GPD2: variants seen among roughly 807,000 people sequenced by gnomAD.
The protein encoded by GPD2 is glycerol-3-phosphate dehydrogenase 2.
GPD2 carries 54 observed loss-of-function variants against 82.4 expected under a neutral mutation model. The observed-to-expected ratio is 0.66, with a 90% CI of 0.53 to 0.82. The LOEUF (loss-of-function observed/expected upper bound fraction) is 0.82. Among genes scored for constraint, GPD2 ranks in the 40% least tolerant of loss-of-function variants. The pLI, the probability that GPD2 is intolerant of heterozygous loss-of-function variation, is 0.00. For synonymous variants in GPD2, 288 were observed against 306.1 expected (o/e 0.94, Z 0.62); for missense variants, 748 against 896.2 (o/e 0.83, Z 2.11).
intron 6 of GPD2, among the ~76,000 whole-genome samples, chr2:156,526,611 T>C (rs1012389597): frequency 6.6e-6 from 1 of 152,164 alleles, no homozygotes; most frequent in African/African-American, 2.4e-5. Context: ...TAGTTTAAGA[T>C]ATAAAAATTT....
intron 10 of GPD2, 103 bp downstream of exon 10, chr2:156,569,062 A>T: frequency 1.1e-6 from 1 of 949,036 alleles, no homozygotes. Context: ...CTCCTGGACT[A>T]AGGTGATTCT....
In GPD2 at chr2:156,568,834, G is replaced by T. The variant is rs1233309853; in HGVS notation, c.1175G>T (p.Gly392Val). Residue 392 changes from glycine (G) to valine (V), a missense_variant, in exon 10 of 17, where the codon GGG (glycine) becomes GTG (valine). Gly to Val is a moderately radical substitution (Grantham distance 109, BLOSUM62 -3). Transcript: ENST00000438166. Reference protein sequence around the residue: ...YLSCDVEVRRGDVLAAWSGIR... With the variant: ...YLSCDVEVRRVDVLAAWSGIR... The stretch of plus-strand genomic sequence containing the variant: ...CATTGATTCCTACCAGTGAGAAGAG[G>T]GGATGTCCTGGCAGCATGGAGTGGA... The T allele has an allele frequency of 1.2e-6, 2 of 1,612,596 alleles. No homozygotes were observed. The highest frequency in any genetic ancestry group is 2.2e-5 in the South Asian group (2 of 91,038).
chr2:156,464,857 C>CT lies in GPD2; in HGVS notation c.-8-11230dup, dbSNP rs559153888. On this transcript the variant is annotated intron_variant, in intron 1 of 16. Coordinates refer to ENST00000438166, the MANE Select transcript of GPD2 (RefSeq NM_000408.5). ...TGAAAGAATTGGTACATTTTCTTTT[C>CT]TTTTTTTTTTTGAGATGGAGTCTTG... 1.7e-3 allele frequency among the ~76,000 whole-genome samples: 253 copies of CT among 146,574 alleles called. 1 individual carries two copies. Among genetic ancestry groups the CT allele is most frequent in the South Asian group, 1.3e-3 (6 of 4,646 alleles).
intron 3 of GPD2, among the ~76,000 whole-genome samples, chr2:156,500,521 T>C (rs1684551780): frequency 6.6e-6 from 1 of 152,202 alleles, no homozygotes; most frequent in Non-Finnish European, 1.5e-5. Flanking sequence ...TTTACCAAAT[T>C]ATTCCTGATT....
intron 1 of GPD2, among the ~76,000 whole-genome samples, chr2:156,453,893 A>G (rs1682701477): frequency 6.6e-6 from 1 of 152,140 alleles, no homozygotes. Flanking sequence ...AAAAAACAAA[A>G]CAAAAAAGAA....
chr2:156,421,965 C>T, the GPD2 span, among the ~76,000 whole-genome samples: 2 of 152,142 alleles, frequency 1.3e-5, no homozygotes, highest in African/African-American at 4.8e-5. Flanking sequence ...ATCTCTACAA[C>T]AGCAATAAAA....
chr2:156,484,762 C>A (rs1373741582), intron 2 of GPD2, among the ~76,000 whole-genome samples: 3 of 152,134 alleles, frequency 2.0e-5, no homozygotes, highest in African/African-American at 7.2e-5. Flanking sequence ...ATTGCTTGAA[C>A]CTGGGAGGTG....
intron 3 of GPD2, among the ~76,000 whole-genome samples, chr2:156,501,155 G>T (rs1020950816): frequency 1.1e-4 from 17 of 151,728 alleles, no homozygotes; most frequent in African/African-American, 3.9e-4. Context: ...TGCATTCTTG[G>T]TGGGCCTGTA....
At chr2:156,506,865 A>G (rs546729167) in intron 3 of GPD2, among the ~76,000 whole-genome samples, 4 of 152,220 alleles carry the variant, frequency 2.6e-5, no homozygotes, top group African/African-American at 9.6e-5. Flanking sequence ...TCTCAAAACA[A>G]TATCTGAGGA....
intron 6 of GPD2, among the ~76,000 whole-genome samples, chr2:156,533,777 G>A (rs561301829): frequency 6.6e-5 from 10 of 152,370 alleles, no homozygotes; most frequent in African/African-American, 2.4e-4. Flanking sequence ...CGCAGGATGT[G>A]CAATGGGTGT....
chr2:156,426,140 G>A, the GPD2 span, among the ~76,000 whole-genome samples: 2 of 152,026 alleles, frequency 1.3e-5, no homozygotes, highest in African/African-American at 2.4e-5. Context: ...AGCCGGGATA[G>A]TCTCGATCTC....
chr2:156,469,965 C>G (rs1276995550), intron 1 of GPD2, among the ~76,000 whole-genome samples: 1 of 152,016 alleles, frequency 6.6e-6, no homozygotes, highest in Non-Finnish European at 1.5e-5. Flanking sequence ...AAGGGTGAGT[C>G]CATAAAGTGA....
intron 1 of GPD2, among the ~76,000 whole-genome samples, chr2:156,467,873 G>C (rs1486530642): frequency 1.3e-5 from 2 of 152,122 alleles, no homozygotes; most frequent in African/African-American, 4.8e-5. Flanking sequence ...AGGGCTCTCT[G>C]TGTGTTTCTG....
In GPD2 at chr2:156,585,741, G is replaced by A. The variant is rs1053394; in HGVS notation, c.*2823G>A. 0.27 allele frequency: 40,517 copies of A among 152,130 alleles called. 5,514 individuals are homozygous for A. The highest frequency in any genetic ancestry group is 0.32 in the South Asian group (1,552 of 4,802). 9.4% of individuals were successfully genotyped at this position (152,130 alleles called of 1,614,324 possible). A position where few individuals can be genotyped will look rare whatever the true frequency, so the allele number is the denominator to read the frequency against. ...ATCATTGATGTTATTTTTCTCTTAT[G>A]TATCTGTAAAGATTTTTGGCATATG... On this transcript the variant is annotated 3_prime_UTR_variant, in exon 17 of 17. Transcript: ENST00000438166.
the GPD2 span, among the ~76,000 whole-genome samples, chr2:156,422,713 C>CA: frequency 6.7e-6 from 1 of 149,408 alleles, no homozygotes; most frequent in African/African-American, 2.5e-5. Context: ...GCCTGTGCAA[C>CA]AGAGTGAGAC....
chr2:156,527,255 A>T (rs1025158200), intron 6 of GPD2, among the ~76,000 whole-genome samples: 1 of 148,804 alleles, frequency 6.7e-6, no homozygotes, highest in Non-Finnish European at 1.5e-5. Context: ...GAAATGTAAT[A>T]AAAAAAAAAC....
At chr2:156,493,444 A>G (rs1338320525) in intron 2 of GPD2, among the ~76,000 whole-genome samples, 1 of 152,114 alleles carries the variant, frequency 6.6e-6, no homozygotes, top group Non-Finnish European at 1.5e-5. Flanking sequence ...GGTGTTTATT[A>G]TTGTTGAGAC....
At chr2:156,541,997 C>T (rs544997565) in intron 6 of GPD2, among the ~76,000 whole-genome samples, 56 of 151,908 alleles carry the variant, frequency 3.7e-4, no homozygotes, top group African/African-American at 1.3e-3. Context: ...CATTTTTGTT[C>T]AGCTCTAGCT....
chr2:156,517,392 GCAGA>G (rs1014776934), intron 6 of GPD2, among the ~76,000 whole-genome samples: 51 of 152,218 alleles, frequency 3.4e-4, no homozygotes, highest in African/African-American at 1.2e-3. Flanking sequence ...ATTTTTAAAT[GCAGA>G]CAGAGAGAAT....
Sources: allele counts gnomAD v4.1 joint callset (sites outside exome capture counted in the v4.1 genomes callset), GRCh38; gene constraint gnomAD v4.1.1; transcripts MANE v1.5; gene names NCBI Gene and HGNC (gene_info 2026-07-23, HGNC 2026-07-21).